The following PDE8B variants were observed in gnomAD, a reference collection of about 807,000 sequenced individuals.
The protein encoded by PDE8B is phosphodiesterase 8B, also known as high affinity cAMP-specific and IBMX-insensitive 3',5'-cyclic phosphodiesterase 8B.
In PDE8B, 26 loss-of-function variants were observed where a neutral mutation model predicts 101.3. That is an observed-to-expected ratio of 0.26 (90% CI 0.19 to 0.36). The LOEUF is 0.36. Ranked by LOEUF, PDE8B falls within the 10% of genes least tolerant of loss-of-function variation. The pLI, the probability that PDE8B is intolerant of heterozygous loss-of-function variation, is 1.00. For synonymous variants in PDE8B, 424 were observed against 429.3 expected (o/e 0.99, Z 0.15); for missense variants, 810 against 1,163.1 (o/e 0.70, Z 4.42).
rs35596621 is a variant in PDE8B, at chr5:77,414,588, T to TC, written c.1911+1279_1911+1280insC. 4.9e-5 allele frequency among the ~76,000 whole-genome samples: 3 copies of TC among 61,452 alleles called. No individual in the cohort carries two copies. In the South Asian group the frequency reaches 1.3e-3, roughly 27 times the overall value. 40.3% of individuals were successfully genotyped at this position (61,452 alleles called of 152,430 possible). A position where few individuals can be genotyped will look rare whatever the true frequency, so the allele number is the denominator to read the frequency against. The stretch of plus-strand genomic sequence containing the variant: ...GGCGTAGGCCACCATGCCCAGCCGA[T>TC]TTTTTTTTTTTTTTTGTATTTTTAG... On this transcript the variant is annotated intron_variant, in intron 17 of 21. Transcript: ENST00000264917.
At chr5:77,381,484 C>G (rs1787442927) in intron 10 of PDE8B, among the ~76,000 whole-genome samples, 1 of 152,142 alleles carries the variant, frequency 6.6e-6, no homozygotes, top group Admixed American at 6.5e-5. Context: ...GTCTACCTTC[C>G]CACGGTGATT....
At chr5:77,370,319 G>GT (rs1784865504) in intron 10 of PDE8B, among the ~76,000 whole-genome samples, 1 of 152,110 alleles carries the variant, frequency 6.6e-6, no homozygotes, top group South Asian at 2.1e-4. Flanking sequence ...ATTAATGTCT[G>GT]TCCCCCAGTC....
intron 10 of PDE8B, among the ~76,000 whole-genome samples, chr5:77,362,835 C>T (rs1783372439): frequency 6.6e-6 from 1 of 152,182 alleles, no homozygotes; most frequent in South Asian, 2.1e-4. Context: ...AATCTTGGTC[C>T]CCTGAGCCAG....
chr5:77,301,965 T>C (rs1164860306), intron 1 of PDE8B, among the ~76,000 whole-genome samples: 2 of 152,260 alleles, frequency 1.3e-5, no homozygotes, highest in African/African-American at 4.8e-5. Flanking sequence ...CTGGCCTCCT[T>C]TGGGTACTTG....
the PDE8B span, among the ~76,000 whole-genome samples, chr5:77,095,035 G>A: frequency 5.3e-5 from 8 of 152,292 alleles, no homozygotes; most frequent in South Asian, 1.0e-3. Context: ...ACAGAGCCAC[G>A]TCAGCTCTGT....
In PDE8B at chr5:77,353,340, T is replaced by A. The variant is rs367814038; in HGVS notation, c.1107-6T>A. ...GACTCACTAATAACTGATTATTTGT[T>A]ATTAGGAAAATTAGGCATTTTGTCT... On this transcript the variant is annotated splice_region_variant and splice_polypyrimidine_tract_variant and intron_variant, in intron 9 of 21. Coordinates refer to ENST00000264917, the MANE Select transcript of PDE8B (RefSeq NM_003719.5). 158 of 1,509,270 alleles carry A rather than the reference T, an allele frequency of 1.0e-4. No homozygotes were observed. The highest frequency in any genetic ancestry group is 1.4e-4 in the Non-Finnish European group (154 of 1,084,462). The allele number at this position is 1,509,270 out of a possible 1,614,324, so 93.5% of individuals were successfully genotyped here.
intron 1 of PDE8B, among the ~76,000 whole-genome samples, chr5:77,264,916 A>T (rs922336920): frequency 5.9e-5 from 9 of 151,982 alleles, no homozygotes; most frequent in African/African-American, 1.9e-4. Flanking sequence ...TAATTTAACT[A>T]CTCTTACTTT....
chr5:77,427,954 G>A lies in PDE8B; in HGVS notation c.*1400G>A, dbSNP rs180748265. 14 of 152,268 alleles carry A rather than the reference G, an allele frequency of 9.2e-5. No homozygotes were observed. Among genetic ancestry groups the A allele is most frequent in the African/African-American group, 3.1e-4 (13 of 41,562 alleles). 9.4% of individuals were successfully genotyped at this position (152,268 alleles called of 1,614,324 possible). On this transcript the variant is annotated 3_prime_UTR_variant, in exon 22 of 22. Transcript: ENST00000264917. The stretch of plus-strand genomic sequence containing the variant: ...TTGGAATGCAGAATACTTGGAACTT[G>A]TACATGGGGAAAAAATGACTTATCA...
At chr5:77,364,444 G>A (rs1397879008) in intron 10 of PDE8B, among the ~76,000 whole-genome samples, 4 of 152,256 alleles carry the variant, frequency 2.6e-5, no homozygotes, top group South Asian at 4.1e-4. Flanking sequence ...ATTCCAAGAG[G>A]TATGGTTTCC....
At chr5:77,233,120 A>G (rs747856742) in intron 1 of PDE8B, among the ~76,000 whole-genome samples, 4 of 151,826 alleles carry the variant, frequency 2.6e-5, no homozygotes, top group South Asian at 2.1e-4. Flanking sequence ...TCCTGAGCTT[A>G]TAAGTAAAGA....
At chr5:77,163,817 T>G in the PDE8B span, among the ~76,000 whole-genome samples, 2 of 152,236 alleles carry the variant, frequency 1.3e-5, no homozygotes, top group Admixed American at 6.5e-5. Context: ...GTTGATGGTA[T>G]GTAGAGTCAC....
chr5:77,123,034 A>G, the PDE8B span, among the ~76,000 whole-genome samples: 1 of 152,186 alleles, frequency 6.6e-6, no homozygotes, highest in Admixed American at 6.5e-5. Flanking sequence ...CAAGGTAGCT[A>G]TGATTTATAA....
At chr5:77,244,746 T>C (rs150469931) in intron 1 of PDE8B, among the ~76,000 whole-genome samples, 1,804 of 152,144 alleles carry the variant, frequency 0.012, 33 homozygotes, top group African/African-American at 0.041. Flanking sequence ...CATCAAGAGA[T>C]GGAGTGACCT....
the PDE8B span, among the ~76,000 whole-genome samples, chr5:77,093,849 C>G: frequency 1.3e-5 from 2 of 152,012 alleles, no homozygotes; most frequent in Non-Finnish European, 2.9e-5. Context: ...ATGAAAAGCT[C>G]TGCATGCCCT....
the PDE8B span, among the ~76,000 whole-genome samples, chr5:77,101,615 G>A: frequency 6.6e-6 from 1 of 151,682 alleles, no homozygotes; most frequent in Non-Finnish European, 1.5e-5. Flanking sequence ...TCGTGCATCT[G>A]ACACGTTGTT....
In PDE8B at chr5:77,307,354, T is replaced by G. The variant is rs921328657; in HGVS notation, c.340-4640T>G. On this transcript the variant is annotated intron_variant, in intron 1 of 21. Transcript: ENST00000264917. Reference sequence around the variant, plus strand: ...CTCCCAAACCAGAAGTATTACCTCCTCTTTCTCAACTTCAAAGTGGGAGAG... The same window carrying G: ...CTCCCAAACCAGAAGTATTACCTCCGCTTTCTCAACTTCAAAGTGGGAGAG... 3.3e-5 allele frequency among the ~76,000 whole-genome samples: 5 copies of G among 152,244 alleles called. No individual in the cohort carries two copies. The South Asian group carries it at 1.0e-3, about 32-fold the overall frequency.
chr5:77,146,854 C>T, the PDE8B span: 2 of 358,872 alleles, frequency 5.6e-6, no homozygotes, highest in Non-Finnish European at 1.1e-5. Context: ...TCCCAATGCA[C>T]CCAAGAGGCA....
At chr5:77,394,216 A>C (rs1465717730) in intron 10 of PDE8B, among the ~76,000 whole-genome samples, 1 of 152,320 alleles carries the variant, frequency 6.6e-6, no homozygotes, top group East Asian at 1.9e-4. Flanking sequence ...CCCGTTCATC[A>C]TGGAACGGCC....
At chr5:77,414,556 G>A (rs1014687678) in intron 17 of PDE8B, among the ~76,000 whole-genome samples, 2 of 151,662 alleles carry the variant, frequency 1.3e-5, no homozygotes, top group Admixed American at 1.3e-4. Flanking sequence ...GAGTAGCTGG[G>A]ACTACAGGCG....
Sources: gnomAD v4.1 joint callset for allele counts (sites outside exome capture counted in the v4.1 genomes callset) on GRCh38, gnomAD v4.1.1 for gene constraint, MANE v1.5 for transcripts, NCBI Gene and HGNC (gene_info 2026-07-23, HGNC 2026-07-21) for gene names.